ZNF28: variants seen among roughly 807,000 people sequenced by gnomAD.
ZNF28 encodes zinc finger protein KOX24.
ZNF28 carries 5 observed loss-of-function variants against 7.2 expected under a neutral mutation model. The observed-to-expected ratio is 0.70, with a 90% CI of 0.36 to 1.46. The LOEUF (loss-of-function observed/expected upper bound fraction) is 1.46, where lower values mean the gene tolerates loss of function less well. Among genes scored for constraint, ZNF28 ranks in the 40% most tolerant of loss-of-function variants. The pLI is 0.03. For synonymous variants in ZNF28, 288 were observed against 292.4 expected (o/e 0.99, Z 0.15); for missense variants, 879 against 866.6 (o/e 1.01, Z -0.18).
intron 2 of ZNF28, among the ~76,000 whole-genome samples, chr19:52,808,648 A>G (rs952808926): frequency 7.9e-5 from 12 of 151,578 alleles, no homozygotes; most frequent in African/African-American, 2.4e-4. Flanking sequence ...AAAAATTAAA[A>G]AAAAAAACAA....
At chr19:52,821,254 G>A (rs1051273774) in intron 1 of ZNF28, among the ~76,000 whole-genome samples, 1 of 152,142 alleles carries the variant, frequency 6.6e-6, no homozygotes, top group South Asian at 2.1e-4. Flanking sequence ...GATGAGGCTG[G>A]GAGGCGCACA....
intron 2 of ZNF28, among the ~76,000 whole-genome samples, chr19:52,812,876 G>T (rs2063072853): frequency 2.0e-5 from 3 of 148,444 alleles, no homozygotes; most frequent in Admixed American, 2.0e-4. Flanking sequence ...GATTACTATA[G>T]TTTTAAGGCT....
intron 1 of ZNF28, among the ~76,000 whole-genome samples, chr19:52,821,344 A>C (rs971199452): frequency 2.0e-4 from 31 of 152,052 alleles, no homozygotes; most frequent in African/African-American, 7.5e-4. Context: ...GAGCAGGAAA[A>C]CTACGAGATA....
At position 52,799,954 on chromosome 19, in the gene ZNF28, C is replaced by T; in HGVS notation, c.1891G>A (p.Gly631Arg). 6.2e-7 allele frequency: 1 copy of T among 1,613,816 alleles called. No homozygotes were observed. Among genetic ancestry groups the T allele is most frequent in the South Asian group, 1.1e-5 (1 of 91,048 alleles). ...SLIIHRRLHTGEKPYKCNECG... is the reference protein window; with the variant it reads ...SLIIHRRLHTREKPYKCNECG... Reference sequence around the variant, plus strand: ...TCATTACACTTGTAAGGTTTCTCTCCAGTATGAAGCCTACGATGGATTATA... The same window carrying T: ...TCATTACACTTGTAAGGTTTCTCTCTAGTATGAAGCCTACGATGGATTATA... The change falls in exon 4 of 4, where the codon GGA (glycine) becomes AGA (arginine). Residue 631 changes from glycine (G) to arginine (R), a missense_variant. By Grantham distance (125) the Gly-to-Arg change is moderately radical (BLOSUM62 -2). This residue lies in a region of ZNF28 where 864 missense variants were observed against 830.2 expected (regional missense o/e 1.04). Transcript: ENST00000457749.
Position 52,800,053 on chromosome 19 carries a change from G to A in ZNF28, c.1792C>T (p.Gln598Ter), listed in dbSNP as rs745785425. The A allele has an allele frequency of 3.1e-6, 5 of 1,614,022 alleles. No individual in the cohort carries two copies. Among genetic ancestry groups the A allele is most frequent in the Non-Finnish European group, 3.4e-6 (4 of 1,180,002 alleles). ...FRRDSHLAQH[Q>*]RVHTGEKPYK... ...GGTTTCTCTCCAGTATGAACTCTCT[G>A]ATGTTGTGCCAGGTGTGAATCCCTC... is the stretch of plus-strand genomic sequence containing the variant. The change falls in exon 4 of 4, where the codon CAG becomes TAG. Residue 598 changes from glutamine (Q) to a stop codon, truncating the protein, a stop_gained. Coordinates refer to ENST00000457749, the MANE Select transcript of ZNF28 (RefSeq NM_006969.5). LOFTEE classifies it low-confidence loss of function (END_TRUNC).
intron 1 of ZNF28, among the ~76,000 whole-genome samples, chr19:52,819,150 G>A (rs1268460123): frequency 7.2e-6 from 1 of 139,132 alleles, no homozygotes; most frequent in African/African-American, 2.8e-5. Flanking sequence ...CTGGGGCAGA[G>A]GGAGTCAGAT....
intron 2 of ZNF28, chr19:52,810,729 GAGAGGAAAAAA>G (rs887477428): frequency 1.6e-6 from 1 of 639,118 alleles, no homozygotes; most frequent in African/African-American, 2.0e-5. Flanking sequence ...TATTAGGAGA[GAGAGGAAAAAA>G]AGAGGAAAGA....
intron 1 of ZNF28, among the ~76,000 whole-genome samples, chr19:52,821,107 A>T (rs138591477): frequency 0.12 from 15,808 of 130,302 alleles, 978 homozygotes; most frequent in Admixed American, 0.25. Context: ...GGGGAGCAGC[A>T]GGGCCCAGCA....
intron 3 of ZNF28, among the ~76,000 whole-genome samples, chr19:52,803,242 A>T (rs2062896681): frequency 6.6e-6 from 1 of 151,718 alleles, no homozygotes; most frequent in Admixed American, 6.6e-5. Flanking sequence ...GTGCCCGGCT[A>T]ATTTTTGTAT....
In ZNF28 at chr19:52,800,964, G is replaced by C. The variant is rs772579742; in HGVS notation, c.881C>G (p.Thr294Ser). 6.2e-7 allele frequency: 1 copy of C among 1,614,138 alleles called. No individual in the cohort carries two copies. The change falls in exon 4 of 4, where the codon ACT becomes AGT. Residue 294 changes from threonine (T) to serine (S), a missense_variant. By Grantham distance (58) the Thr-to-Ser change is moderately conservative. This residue lies in a region of ZNF28 where 864 missense variants were observed against 830.2 expected (regional missense o/e 1.04). Coordinates refer to ENST00000457749, the MANE Select transcript of ZNF28 (RefSeq NM_006969.5). ...TTCACATTCATAAGGTTTGTCTGCAGTATGAAGCGCCTTGTGAAGGAAGAG... is the reference window on the plus strand; with the variant it reads ...TTCACATTCATAAGGTTTGTCTGCACTATGAAGCGCCTTGTGAAGGAAGAG... ...TSLFLHKALH[T>S]ADKPYECEEC...
intron 3 of ZNF28, among the ~76,000 whole-genome samples, chr19:52,802,035 G>C (rs1038499569): frequency 6.6e-6 from 1 of 151,946 alleles, no homozygotes; most frequent in Non-Finnish European, 1.5e-5. Flanking sequence ...ATCAAAAAAA[G>C]AAAAATATAT....
Position 52,801,497 on chromosome 19 carries a change from G to C in ZNF28, c.348C>G (p.Ile116Met), listed in dbSNP as rs750777404. 25 of 1,614,014 alleles carry C rather than the reference G, an allele frequency of 1.5e-5. No homozygotes were observed. In the Admixed American group the frequency reaches 2.3e-4, roughly 15 times the overall value. The change falls in exon 4 of 4, where the codon ATC becomes ATG. Residue 116 changes from isoleucine to methionine, a missense_variant. Transcript: ENST00000457749. ...GGCCTGTACTACCAGTCAACTCTTT[G>C]ATTTCTGTCATGGGTGCTGCATGGT... is the stretch of plus-strand genomic sequence containing the variant. ...TNDHAAPMTE[I>M]KELTGSTGQH... is the part of the protein sequence containing the mutation.
intron 1 of ZNF28, 28 bp from the exon 2 acceptor site, chr19:52,818,059 G>A: frequency 1.3e-6 from 2 of 1,570,432 alleles, no homozygotes; most frequent in South Asian, 1.1e-5. Context: ...GTTGTTTATT[G>A]CTCAGAATCA....
chr19:52,800,129 A>C lies in ZNF28; in HGVS notation c.1716T>G (p.Ile572Met). ...ATTTGTACGGTTTCTCTCCAGTATG[A>C]ATCCTCCTATGTCTTTCCATGTGTG... Reference protein sequence around the residue: ...RKSHMERHRRIHTGEKPYKCK... With the variant: ...RKSHMERHRRMHTGEKPYKCK... The change falls in exon 4 of 4, where the codon ATT (isoleucine) becomes ATG (methionine). Residue 572 changes from isoleucine (I) to methionine (M), a missense_variant. Around this residue, in one of 2 missense-constraint regions of ZNF28, gnomAD observed 864 missense variants for 830.2 expected, o/e 1.04. Coordinates refer to ENST00000457749, the MANE Select transcript of ZNF28 (RefSeq NM_006969.5). 1.9e-6 allele frequency: 3 copies of C among 1,614,040 alleles called. No individual in the cohort carries two copies. Among genetic ancestry groups the C allele is most frequent in the Non-Finnish European group, 2.5e-6 (3 of 1,179,962 alleles).
At chr19:52,802,764 T>A (rs1336689348) in intron 3 of ZNF28, among the ~76,000 whole-genome samples, 1 of 146,782 alleles carries the variant, frequency 6.8e-6, no homozygotes, top group African/African-American at 2.6e-5. Flanking sequence ...GTTGTGACTT[T>A]TTTTTTTTTT....
At position 52,800,211 on chromosome 19, in the gene ZNF28, T is replaced by C. The variant is rs765395247; in HGVS notation, c.1634A>G (p.His545Arg). 3 of 1,613,592 alleles carry C rather than the reference T, an allele frequency of 1.9e-6. No individual in the cohort carries two copies. The highest frequency in any genetic ancestry group is 2.7e-5 in the African/African-American group (2 of 74,956). ...KANLACHHKL[H>R]TAEKPYKCEE... ...ACATTTGTACGGTTTCTCTGCAGTATGAAGTTTATGATGACATGCAAGGTT... is the reference window on the plus strand; with the variant it reads ...ACATTTGTACGGTTTCTCTGCAGTACGAAGTTTATGATGACATGCAAGGTT... The change falls in exon 4 of 4, where the codon CAT becomes CGT. Residue 545 changes from histidine (H) to arginine (R), a missense_variant. His to Arg is a conservative substitution (Grantham distance 29, BLOSUM62 0). Coordinates refer to ENST00000457749, the MANE Select transcript of ZNF28 (RefSeq NM_006969.5).
rs577412632 is a variant in ZNF28 at position 52,809,173 on chromosome 19, A to T, written c.16-1040T>A. On this transcript the variant is annotated intron_variant, in intron 2 of 3. Coordinates refer to ENST00000457749, the MANE Select transcript of ZNF28 (RefSeq NM_006969.5). ...GGGGGAATCTTGTCAGATCTAAGAAAATGGAAATGCCCCATCCTAGAAGAA... is the reference window on the plus strand; with the variant it reads ...GGGGGAATCTTGTCAGATCTAAGAATATGGAAATGCCCCATCCTAGAAGAA... Among the ~76,000 whole-genome samples the T allele has an allele frequency of 3.3e-5, 5 of 152,312 alleles. No homozygotes were observed. The East Asian group carries it at 5.8e-4, about 18-fold the overall frequency.
intron 1 of ZNF28, among the ~76,000 whole-genome samples, chr19:52,818,678 G>T (rs2063157562): frequency 6.6e-6 from 1 of 151,124 alleles, no homozygotes; most frequent in South Asian, 2.1e-4. Context: ...CTCCACTCCT[G>T]CCTGGGTGAC....
intron 3 of ZNF28, among the ~76,000 whole-genome samples, chr19:52,802,467 G>A (rs7247562): frequency 0.089 from 13,481 of 152,064 alleles, 1,068 homozygotes; most frequent in South Asian, 0.2. Context: ...ATCACCTCAC[G>A]TCAGGAGTTT....
Sources: gnomAD v4.1 joint callset for allele counts (sites outside exome capture counted in the v4.1 genomes callset) on GRCh38, gnomAD v4.1.1 for gene constraint, gnomAD v4.1.1 regional missense constraint, MANE v1.5 for transcripts, NCBI Gene and HGNC (gene_info 2026-07-23, HGNC 2026-07-21) for gene names.